The following TBR1 variants were observed in gnomAD, a reference collection of about 807,000 sequenced individuals.
TBR1 encodes T-box brain protein 1.
A neutral mutation model predicts 60.3 loss-of-function variants in TBR1; 7 were observed. That is an observed-to-expected ratio of 0.12 (90% CI 0.07 to 0.22). TBR1 has a LOEUF of 0.22. Among genes scored for constraint, TBR1 ranks in the 10% least tolerant of loss-of-function variants. The pLI, the probability that TBR1 is intolerant of heterozygous loss-of-function variation, is 1.00. For synonymous variants in TBR1, 417 were observed against 409.9 expected (o/e 1.02, Z -0.21); for missense variants, 616 against 936.8 (o/e 0.66, Z 4.47).
rs1684274476 is a variant in TBR1, at chr2:161,423,738, C to A, written c.1560C>A (p.Gly520=). The A allele has an allele frequency of 1.3e-6, 2 of 1,513,638 alleles. No homozygotes were observed. Among genetic ancestry groups the A allele is most frequent in the African/African-American group, 2.9e-5 (2 of 69,804 alleles). 93.8% of individuals were successfully genotyped at this position (1,513,638 alleles called of 1,614,324 possible). ...CGCTGCTCTCTTACGCGGCGGCGGG[C>A]GTGAAGGCGCTGCCGCTGCAGGCTG... ...AATLLSYAAA[G]VKALPLQAAG... The change falls in exon 6 of 6, where the codon GGC becomes GGA. Residue 520 remains glycine, a synonymous_variant. Coordinates refer to ENST00000389554, the MANE Select transcript of TBR1 (RefSeq NM_006593.4).
Position 161,425,613 on chromosome 2 carries a change from G to A in TBR1, c.*1386G>A, listed in dbSNP as rs1410010729. 1 of 152,188 alleles carries A rather than the reference G, an allele frequency of 6.6e-6. No individual in the cohort carries two copies. The highest frequency in any genetic ancestry group is 6.5e-5 in the Admixed American group (1 of 15,284). 9.4% of individuals were successfully genotyped at this position (152,188 alleles called of 1,614,324 possible). Reference sequence around the variant, plus strand: ...TACTTTTTTGTATTTAAAAATTAATGTGAAATATGCATCATACACAATATT... The same window carrying A: ...TACTTTTTTGTATTTAAAAATTAATATGAAATATGCATCATACACAATATT... On this transcript the variant is annotated 3_prime_UTR_variant, in exon 6 of 6. Coordinates refer to ENST00000389554, the MANE Select transcript of TBR1 (RefSeq NM_006593.4).
chr2:161,419,986 C>T, intron 4 of TBR1: 1 of 378,150 alleles, frequency 2.6e-6, no homozygotes, highest in East Asian at 4.5e-5. Context: ...CTATAGGTAT[C>T]ATTAATTTAA....
In TBR1 at chr2:161,423,456, C is replaced by T; in HGVS notation, c.1278C>T (p.Ala426=). The T allele has an allele frequency of 6.2e-7, 1 of 1,606,582 alleles. No homozygotes were observed. The highest frequency in any genetic ancestry group is 8.5e-7 in the Non-Finnish European group (1 of 1,177,132). ...AGATCGTGCCCGGGGCCCGCTACGC[C>T]ATGGCCGGCTCTTTCCTGCAGGACC... ...RSQIVPGARY[A]MAGSFLQDQF... is the part of the protein sequence containing the mutation. The change falls in exon 6 of 6, where the codon GCC becomes GCT. Residue 426 remains alanine, a synonymous_variant. Coordinates refer to ENST00000389554, the MANE Select transcript of TBR1 (RefSeq NM_006593.4).
intron 4 of TBR1, 36 bp from the exon 5 acceptor site, chr2:161,420,160 A>G (rs1559061302): frequency 5.1e-6 from 8 of 1,579,760 alleles, no homozygotes. Flanking sequence ...TTCACGTATA[A>G]AAGGTGAGAT....
intron 4 of TBR1, 62 bp downstream of exon 4, chr2:161,419,112 CATTCT>C: frequency 6.2e-7 from 1 of 1,607,588 alleles, no homozygotes; most frequent in Non-Finnish European, 8.5e-7. Flanking sequence ...CACCCTCTCA[CATTCT>C]CCCGCCATGC....
chr2:161,418,970 A>G lies in TBR1; in HGVS notation c.1048A>G (p.Thr350Ala), dbSNP rs138102755. The change falls in exon 4 of 6, where the codon ACT becomes GCT. Residue 350 changes from threonine (T) to alanine (A), a missense_variant. Transcript: ENST00000389554. Reference sequence around the variant, plus strand: ...AGTGAACGAGGACGGCACGGAGGACACTAGCCAGCCCGGCCGCGTGCAGAC... The same window carrying G: ...AGTGAACGAGGACGGCACGGAGGACGCTAGCCAGCCCGGCCGCGTGCAGAC... ...VEVNEDGTED[T>A]SQPGRVQTFT... is the part of the protein sequence containing the mutation. 9 of 1,614,110 alleles carry G rather than the reference A, an allele frequency of 5.6e-6. No homozygotes were observed. In the African/African-American group the frequency reaches 1.1e-4, roughly 19 times the overall value.
chr2:161,424,439 A>G lies in TBR1; in HGVS notation c.*212A>G. The G allele has an allele frequency of 1.7e-6, 1 of 575,640 alleles. No individual in the cohort carries two copies. Among genetic ancestry groups the G allele is most frequent in the South Asian group, 2.5e-5 (1 of 40,404 alleles). The allele number at this position is 575,640 out of a possible 1,614,324, so 35.7% of individuals were successfully genotyped here. ...CTCTGCAATTAGCTCACCGACCTTC[A>G]ACTTTGCTGTAAACCTTTTGGTTTT... On this transcript the variant is annotated 3_prime_UTR_variant, in exon 6 of 6. Coordinates refer to ENST00000389554, the MANE Select transcript of TBR1 (RefSeq NM_006593.4). The surrounding 1 kb of genome is among the most constrained non-coding windows in gnomAD (Gnocchi z 4.4).
Position 161,423,436 on chromosome 2 carries a change from G to T in TBR1, c.1258G>T (p.Val420Leu). 6.2e-7 allele frequency: 1 copy of T among 1,602,634 alleles called. No homozygotes were observed. The highest frequency in any genetic ancestry group is 8.5e-7 in the Non-Finnish European group (1 of 1,175,184). The change falls in exon 6 of 6, where the codon GTG (valine) becomes TTG (leucine). Residue 420 changes from valine to leucine, a missense_variant. Physicochemically the swap from Val to Leu is conservative, Grantham distance 32. Transcript: ENST00000389554. The part of the protein sequence containing the change: ...SPNDSPRSQI[V>L]PGARYAMAGS... ...CAACGACTCGCCGCGCTCGCAGATC[G>T]TGCCCGGGGCCCGCTACGCCATGGC...
intron 4 of TBR1, 97 bp downstream of exon 4, chr2:161,419,147 C>G: frequency 6.4e-7 from 1 of 1,554,192 alleles, no homozygotes; most frequent in Non-Finnish European, 8.8e-7. Context: ...GTACTAGCAG[C>G]GCTAACATCA....
chr2:161,417,522 C>G lies in TBR1; in HGVS notation c.693-154C>G. 1 of 1,031,218 alleles carries G rather than the reference C, an allele frequency of 9.7e-7. No individual in the cohort carries two copies. The highest frequency in any genetic ancestry group is 1.4e-6 in the Non-Finnish European group (1 of 713,878). 63.9% of individuals were successfully genotyped at this position (1,031,218 alleles called of 1,614,324 possible). On this transcript the variant is annotated intron_variant, in intron 1 of 5. Transcript: ENST00000389554. The surrounding 1 kb of genome is among the most constrained non-coding windows in gnomAD (Gnocchi z 5.3). ...ATTTGGGTTGCACTTCTTTTCTTCT[C>G]CCACCACCCTTTTTCTAATCCAGCA...
intron 4 of TBR1, 131 bp from the exon 5 acceptor site, chr2:161,420,065 A>C (rs781650864): frequency 1.2e-5 from 7 of 564,198 alleles, no homozygotes; most frequent in Non-Finnish European, 1.8e-5. Context: ...CAAATTTTTC[A>C]GTTAGGAAAA....
chr2:161,417,207 G>A lies in TBR1; in HGVS notation c.692+105G>A. The A allele has an allele frequency of 8.2e-7, 1 of 1,215,428 alleles. No homozygotes were observed. Among genetic ancestry groups the A allele is most frequent in the Non-Finnish European group, 1.1e-6 (1 of 879,146 alleles). The allele number at this position is 1,215,428 out of a possible 1,614,324, so 75.3% of individuals were successfully genotyped here. A position where few individuals can be genotyped will look rare whatever the true frequency, so the allele number is the denominator to read the frequency against. ...GACGATTTGGGGTCGGGAGCGGAGT[G>A]GAAGGCGCCCTAGAGTTGGCTAGTT... On this transcript the variant is annotated intron_variant, in intron 1 of 5. Coordinates refer to ENST00000389554, the MANE Select transcript of TBR1 (RefSeq NM_006593.4). This position sits in a 1 kb window ranked among gnomAD's most constrained non-coding sequence, Gnocchi z 5.3.
chr2:161,417,563 GC>G lies in TBR1; in HGVS notation c.693-112del. 1.5e-6 allele frequency: 2 copies of G among 1,320,056 alleles called. No individual in the cohort carries two copies. The highest frequency in any genetic ancestry group is 1.5e-5 in the South Asian group (1 of 67,408). 81.8% of individuals were successfully genotyped at this position (1,320,056 alleles called of 1,614,324 possible). ...TAATCCAGCAAATATTCGCCTATTT[GC>G]TGCAAGTACAAGTTTTGCTTTGCTA... On this transcript the variant is annotated intron_variant, in intron 1 of 5. Coordinates refer to ENST00000389554, the MANE Select transcript of TBR1 (RefSeq NM_006593.4). This position sits in a 1 kb window ranked among gnomAD's most constrained non-coding sequence, Gnocchi z 5.3.
Position 161,417,961 on chromosome 2 carries a change from A to T in TBR1, c.847+131A>T, listed in dbSNP as rs1036680679. On this transcript the variant is annotated intron_variant, in intron 2 of 5. Transcript: ENST00000389554. This position sits in a 1 kb window ranked among gnomAD's most constrained non-coding sequence, Gnocchi z 5.3. ...TGACTTCTAAAAGGAAACGAGGGGG[A>T]CAGGGGGACAGACTGAGCTGCGAGA... 3 of 1,463,870 alleles carry T rather than the reference A, an allele frequency of 2.0e-6. No homozygotes were observed. In the African/African-American group the frequency reaches 4.3e-5, roughly 21 times the overall value. The allele number at this position is 1,463,870 out of a possible 1,614,324, so 90.7% of individuals were successfully genotyped here.
intron 5 of TBR1, chr2:161,421,750 C>G (rs1234454190): frequency 1.3e-5 from 2 of 152,220 alleles, no homozygotes; most frequent in Non-Finnish European, 2.9e-5. Context: ...CTGCCTCCCT[C>G]TACTTCTCTT....
intron 5 of TBR1, chr2:161,420,721 A>C (rs1684218632): frequency 6.5e-6 from 1 of 152,850 alleles, no homozygotes; most frequent in East Asian, 1.9e-4. Context: ...CAGTCTCCTT[A>C]GCATATGCGA....
chr2:161,420,279 T>G, intron 5 of TBR1, 22 bp downstream of exon 5: 2 of 1,601,690 alleles, frequency 1.2e-6, no homozygotes, highest in Non-Finnish European at 1.7e-6. Flanking sequence ...TGTATCTTCC[T>G]TTTCAAATAG....
intron 2 of TBR1, 177 bp downstream of exon 2, chr2:161,418,007 G>A (rs866492841): frequency 6.9e-7 from 1 of 1,451,030 alleles, no homozygotes; most frequent in Non-Finnish European, 9.1e-7. Context: ...TTATGCAAAA[G>A]CTATTTTAAT....
intron 5 of TBR1, chr2:161,421,351 G>C (rs1684228188): frequency 6.6e-6 from 1 of 152,220 alleles, no homozygotes; most frequent in Non-Finnish European, 1.5e-5. Context: ...ATTTAAAAGA[G>C]AGTCATTGAT....
Sources: allele counts gnomAD v4.1 joint callset, GRCh38; gene constraint gnomAD v4.1.1; non-coding constraint Gnocchi (gnomAD v3.1); transcripts MANE v1.5; gene names NCBI Gene and HGNC (gene_info 2026-07-23, HGNC 2026-07-21).